The following MCTP2 variants were observed in gnomAD, a reference collection of about 807,000 sequenced individuals.
MCTP2 encodes the protein multiple C2 and transmembrane domain-containing protein 2.
A neutral mutation model predicts 111.6 loss-of-function variants in MCTP2; 132 were observed. The ratio of observed to expected loss-of-function variants is 1.18; its 90% confidence interval spans 1.03 to 1.37. The LOEUF (loss-of-function observed/expected upper bound fraction) is 1.37. MCTP2 is among the 40% of genes most tolerant of loss of function. The pLI, the probability that MCTP2 is intolerant of heterozygous loss-of-function variation, is 0.00. For missense variants in MCTP2, 1,183 were observed against 1,067.9 expected (o/e 1.11, Z -1.50); for synonymous variants, 395 against 387.7 (o/e 1.02, Z -0.22).
At chr15:94,364,931 G>A (rs530186071) in intron 10 of MCTP2, among the ~76,000 whole-genome samples, 1 of 152,066 alleles carries the variant, frequency 6.6e-6, no homozygotes, top group South Asian at 2.1e-4. Context: ...CATTTTTTCT[G>A]TCTCCCGTCT....
intron 4 of MCTP2, among the ~76,000 whole-genome samples, chr15:94,335,856 T>C (rs1596390075): frequency 6.6e-6 from 1 of 152,238 alleles, no homozygotes; most frequent in Admixed American, 6.5e-5. Context: ...TTCTATTTTT[T>C]TTCCTGTAAA....
intron 11 of MCTP2, among the ~76,000 whole-genome samples, chr15:94,369,775 T>C (rs1161872292): frequency 6.6e-6 from 1 of 152,234 alleles, no homozygotes; most frequent in Admixed American, 6.5e-5. Flanking sequence ...AGCATCAATG[T>C]AATTCTACCC....
chr15:94,398,995 A>G lies in MCTP2; in HGVS notation c.1823A>G (p.Lys608Arg). Residue 608 changes from lysine (K) to arginine (R), a missense_variant, in exon 15 of 23, where the codon AAG (lysine) becomes AGG (arginine). Lys to Arg is a conservative substitution (Grantham distance 26, BLOSUM62 2). Coordinates refer to ENST00000357742, the MANE Select transcript of MCTP2 (RefSeq NM_001385001.1). ...RDGQPNCYVL[K>R]NKDLEQAFKG... ...GGACAACCGAATTGTTATGTACTAAAGAATAAAGATTTAGAACAAGCTTTT... is the reference window on the plus strand; with the variant it reads ...GGACAACCGAATTGTTATGTACTAAGGAATAAAGATTTAGAACAAGCTTTT... 1 of 1,563,078 alleles carries G rather than the reference A, an allele frequency of 6.4e-7. No individual in the cohort carries two copies. Among genetic ancestry groups the G allele is most frequent in the Non-Finnish European group, 8.8e-7 (1 of 1,133,996 alleles).
At chr15:94,450,567 A>G (rs968039187) in intron 19 of MCTP2, among the ~76,000 whole-genome samples, 7 of 152,192 alleles carry the variant, frequency 4.6e-5, no homozygotes, top group African/African-American at 1.7e-4. Flanking sequence ...AATGTTTATA[A>G]TTCTTCAAGT....
intron 20 of MCTP2, among the ~76,000 whole-genome samples, chr15:94,463,079 G>A (rs2085314520): frequency 6.6e-6 from 1 of 152,140 alleles, no homozygotes; most frequent in Non-Finnish European, 1.5e-5. Context: ...AGGCTATGTG[G>A]GAGAGTGAGT....
At chr15:94,302,668 C>T (rs572527605) in intron 2 of MCTP2, among the ~76,000 whole-genome samples, 3 of 152,276 alleles carry the variant, frequency 2.0e-5, no homozygotes, top group East Asian at 1.9e-4. Flanking sequence ...CCCTGAAGAA[C>T]CACCTCAAAC....
At chr15:94,395,832 A>AT (rs1437545210) in intron 14 of MCTP2, among the ~76,000 whole-genome samples, 1 of 152,196 alleles carries the variant, frequency 6.6e-6, no homozygotes, top group Non-Finnish European at 1.5e-5. Flanking sequence ...GTCCTGAATC[A>AT]TTACTCAGAA....
In MCTP2 at chr15:94,369,445, T is replaced by C. The variant is rs1356045640; in HGVS notation, c.1489-642T>C. ...CAATTTCTTAAGGATGCCATGTATA[T>C]AAACACCCAAATATTGCTATATGTG... On this transcript the variant is annotated intron_variant, in intron 11 of 22. Transcript: ENST00000357742. Among the ~76,000 whole-genome samples, 3 of 152,204 alleles carry C rather than the reference T, an allele frequency of 2.0e-5. No individual in the cohort carries two copies. The South Asian group carries it at 6.2e-4, about 32-fold the overall frequency.
At chr15:94,255,129 T>G (rs1474419559) in intron 1 of MCTP2, among the ~76,000 whole-genome samples, 1 of 152,160 alleles carries the variant, frequency 6.6e-6, no homozygotes, top group Non-Finnish European at 1.5e-5. Context: ...ATTAATAATT[T>G]TGAGAAATAG....
chr15:94,259,972 T>A (rs900939704), intron 1 of MCTP2, among the ~76,000 whole-genome samples: 1 of 152,220 alleles, frequency 6.6e-6, no homozygotes, highest in Non-Finnish European at 1.5e-5. Flanking sequence ...AGATCATACA[T>A]TGGGTAAGGA....
chr15:94,384,682 T>G (rs1479460129), intron 13 of MCTP2, among the ~76,000 whole-genome samples: 2 of 152,196 alleles, frequency 1.3e-5, no homozygotes, highest in South Asian at 4.1e-4. Flanking sequence ...CTGTTGAATT[T>G]GGGTAAAATG....
chr15:94,387,687 T>C (rs775779777), intron 14 of MCTP2, among the ~76,000 whole-genome samples: 2 of 152,322 alleles, frequency 1.3e-5, no homozygotes, highest in Non-Finnish European at 2.9e-5. Flanking sequence ...CTTGGAGCTT[T>C]TGTTATAGTA....
rs2075376789 is a variant in MCTP2, at chr15:94,298,445, C to T, written c.180C>T (p.Ala60=). The T allele has an allele frequency of 6.2e-7, 1 of 1,614,042 alleles. No homozygotes were observed. Among genetic ancestry groups the T allele is most frequent in the Admixed American group, 1.7e-5 (1 of 60,012 alleles). ...TGCCTGATCTCCTGGAGGCTGAGGC[C>T]TTGGCCCCAGAGGGCCGGCCTTACT... ...LSVPDLLEAE[A]LAPEGRPYSG... Residue 60 remains alanine, a synonymous_variant, in exon 2 of 23, where the codon GCC becomes GCT. Coordinates refer to ENST00000357742, the MANE Select transcript of MCTP2 (RefSeq NM_001385001.1).
chr15:94,274,671 AG>A (rs974419218), intron 1 of MCTP2, among the ~76,000 whole-genome samples: 7 of 152,114 alleles, frequency 4.6e-5, no homozygotes, highest in African/African-American at 1.7e-4. Context: ...CTGACAAAAG[AG>A]GAAGTAGAAA....
At chr15:94,253,186 G>A (rs987999329) in intron 1 of MCTP2, among the ~76,000 whole-genome samples, 8 of 152,146 alleles carry the variant, frequency 5.3e-5, no homozygotes, top group Non-Finnish European at 1.0e-4. Context: ...TTACACACTT[G>A]TTTGAGGAGA....
Position 94,464,260 on chromosome 15 carries a change from TATATA to T in MCTP2, c.2360+6015_2360+6019del, listed in dbSNP as rs1567764896. Among the ~76,000 whole-genome samples, 4 of 38,712 alleles carry T rather than the reference TATATA, an allele frequency of 1.0e-4. No homozygotes were observed. In the South Asian group the frequency reaches 2.1e-3, roughly 20 times the overall value. 25.4% of individuals were successfully genotyped at this position (38,712 alleles called of 152,430 possible). ...ATATAATATATATATATATATATTA[TATATA>T]TATATATATATATAAACGTCAGCCA... On this transcript the variant is annotated intron_variant, in intron 20 of 22. Coordinates refer to ENST00000357742, the MANE Select transcript of MCTP2 (RefSeq NM_001385001.1).
At chr15:94,414,768 G>T (rs1043002175) in intron 17 of MCTP2, among the ~76,000 whole-genome samples, 1 of 152,102 alleles carries the variant, frequency 6.6e-6, no homozygotes, top group Non-Finnish European at 1.5e-5. Context: ...AAAAAGTGTG[G>T]CATGTTTTGG....
rs182209858 is a variant in MCTP2, at chr15:94,304,130, C to G, written c.465+5400C>G. The stretch of plus-strand genomic sequence containing the variant: ...ACAAATGACAATCACAACTAATTTG[C>G]CATGAGAATTAAATACTTTGAAGAC... On this transcript the variant is annotated intron_variant, in intron 2 of 22. Coordinates refer to ENST00000357742, the MANE Select transcript of MCTP2 (RefSeq NM_001385001.1). 1.3e-3 allele frequency among the ~76,000 whole-genome samples: 202 copies of G among 152,274 alleles called. 1 individual carries two copies. The highest frequency in any genetic ancestry group is 2.5e-3 in the Admixed American group (39 of 15,296).
intron 4 of MCTP2, among the ~76,000 whole-genome samples, chr15:94,334,933 G>A (rs1238288813): frequency 6.6e-6 from 1 of 152,142 alleles, no homozygotes; most frequent in Non-Finnish European, 1.5e-5. Flanking sequence ...ATAGTAAGCA[G>A]CTTTTCTAAA....
Sources: allele counts gnomAD v4.1 joint callset (sites outside exome capture counted in the v4.1 genomes callset), GRCh38; gene constraint gnomAD v4.1.1; transcripts MANE v1.5; gene names NCBI Gene and HGNC (gene_info 2026-07-23, HGNC 2026-07-21).